Variants in ULK4 observed in about 807,000 individuals in gnomAD.
ULK4 encodes unc-51 like kinase 4.
Under a neutral mutation model 160.6 loss-of-function variants are expected in ULK4, and 133 were observed. The ratio of observed to expected loss-of-function variants is 0.83; its 90% CI spans 0.72 to 0.96. ULK4 has a LOEUF of 0.96. ULK4 is among the 40% of genes least tolerant of loss of function. The probability of loss-of-function intolerance (pLI) is 0.00; values close to 1 mark genes in which losing one functional copy is unlikely to be tolerated. For synonymous variants in ULK4, 534 were observed against 539.8 expected, an observed-to-expected ratio of 0.99 and a Z score of 0.15; for missense variants, 1,580 against 1,499.5, an observed-to-expected ratio of 1.05 and a Z score of -0.89.
At chr3:41,489,460 T>C (rs962457296) in intron 32 of ULK4, among the ~76,000 whole-genome samples, 46 of 152,152 alleles carry the variant, frequency 3.0e-4, no homozygotes, top group African/African-American at 1.0e-3. Flanking sequence ...TTTCATTCTC[T>C]TGCTTGGCCC....
chr3:41,859,336 G>C (rs1422340939), intron 17 of ULK4: 1 of 593,712 alleles, frequency 1.7e-6, no homozygotes, highest in South Asian at 1.4e-5. Context: ...GCACTGTAGA[G>C]CACATCTTCC....
chr3:41,516,133 T>C (rs1040308185), intron 32 of ULK4, among the ~76,000 whole-genome samples: 12 of 152,218 alleles, frequency 7.9e-5, no homozygotes, highest in African/African-American at 2.9e-4. Context: ...TTAAACATTT[T>C]CTAAGTGAAA....
chr3:41,950,139 C>G (rs918827016), intron 2 of ULK4, among the ~76,000 whole-genome samples: 1 of 151,476 alleles, frequency 6.6e-6, no homozygotes, highest in Non-Finnish European at 1.5e-5. Context: ...CAGGTTGGAG[C>G]ACAGTGGCAC....
chr3:41,575,716 C>T (rs775236142), intron 31 of ULK4, among the ~76,000 whole-genome samples: 20 of 152,220 alleles, frequency 1.3e-4, no homozygotes, highest in Non-Finnish European at 2.4e-4. Flanking sequence ...GTACCATTTG[C>T]CAATCAGTAT....
intron 35 of ULK4, among the ~76,000 whole-genome samples, chr3:41,356,595 T>G (rs1479885794): frequency 6.6e-6 from 1 of 152,154 alleles, no homozygotes; most frequent in South Asian, 2.1e-4. Flanking sequence ...TTCTAAGATA[T>G]ATTTTTTTTA....
At chr3:41,880,085 A>G (rs1697459085) in intron 17 of ULK4, among the ~76,000 whole-genome samples, 1 of 152,132 alleles carries the variant, frequency 6.6e-6, no homozygotes, top group African/African-American at 2.4e-5. Context: ...ACGCCACTGC[A>G]ATCCAGCCTG....
chr3:41,405,266 T>C (rs1279315407), intron 34 of ULK4, among the ~76,000 whole-genome samples: 1 of 152,188 alleles, frequency 6.6e-6, no homozygotes, highest in Admixed American at 6.6e-5. Flanking sequence ...CTTAGGATAA[T>C]GGCCTCCAAC....
intron 2 of ULK4, among the ~76,000 whole-genome samples, chr3:41,939,094 C>T (rs1266546029): frequency 6.6e-6 from 1 of 151,516 alleles, no homozygotes; most frequent in South Asian, 2.1e-4. Context: ...ACTTATACCA[C>T]GACTAAACCA....
chr3:41,657,461 T>A (rs2034980044), intron 30 of ULK4, among the ~76,000 whole-genome samples: 1 of 152,164 alleles, frequency 6.6e-6, no homozygotes, highest in Admixed American at 6.5e-5. Flanking sequence ...TTCATGGTTA[T>A]TTTTACATAT....
chr3:41,511,627 G>C (rs1559662737), intron 32 of ULK4, among the ~76,000 whole-genome samples: 1 of 151,936 alleles, frequency 6.6e-6, no homozygotes, highest in East Asian at 1.9e-4. Flanking sequence ...AGCAAACAGT[G>C]AGATTGAAAT....
At chr3:41,317,133 T>C in intron 35 of ULK4, among the ~76,000 whole-genome samples, 1 of 135,290 alleles carries the variant, frequency 7.4e-6, no homozygotes, top group Non-Finnish European at 1.5e-5. Flanking sequence ...CGGACTGCAG[T>C]GGCGCAATCT....
At chr3:41,700,974 T>C (rs1283042000) in intron 27 of ULK4, among the ~76,000 whole-genome samples, 2 of 151,648 alleles carry the variant, frequency 1.3e-5, no homozygotes, top group East Asian at 1.9e-4. Context: ...ACGTGCTATA[T>C]GTGGCAGCAG....
intron 32 of ULK4, among the ~76,000 whole-genome samples, chr3:41,468,929 T>C (rs1006150467): frequency 3.3e-5 from 5 of 152,168 alleles, no homozygotes; most frequent in African/African-American, 9.7e-5. Flanking sequence ...CATCAGGACA[T>C]AGATATGGTG....
chr3:41,771,557 A>G (rs972126974), intron 21 of ULK4, among the ~76,000 whole-genome samples: 10 of 152,152 alleles, frequency 6.6e-5, no homozygotes, highest in Non-Finnish European at 1.5e-4. Flanking sequence ...AACAACAACA[A>G]AAAATCATGA....
intron 17 of ULK4, among the ~76,000 whole-genome samples, chr3:41,839,107 T>C (rs568379665): frequency 1.3e-5 from 2 of 152,276 alleles, no homozygotes; most frequent in Admixed American, 1.3e-4. Flanking sequence ...CTTAGCACTT[T>C]GGGAGGCCAA....
chr3:41,334,441 A>G (rs2080511490), intron 35 of ULK4, among the ~76,000 whole-genome samples: 1 of 152,178 alleles, frequency 6.6e-6, no homozygotes, highest in Non-Finnish European at 1.5e-5. Flanking sequence ...TTATGAACCT[A>G]TATGATGACT....
intron 21 of ULK4, among the ~76,000 whole-genome samples, chr3:41,761,513 G>A (rs907127534): frequency 4.0e-5 from 6 of 151,410 alleles, no homozygotes; most frequent in Non-Finnish European, 5.9e-5. Context: ...TGAAAACTAT[G>A]TAGGATACAA....
intron 16 of ULK4, among the ~76,000 whole-genome samples, chr3:41,892,999 T>C (rs1338997490): frequency 1.3e-5 from 2 of 152,190 alleles, no homozygotes; most frequent in Non-Finnish European, 2.9e-5. Context: ...CAACACTCAT[T>C]GTCTCCGTGA....
chr3:41,385,385 G>A (rs2081783427), intron 35 of ULK4, among the ~76,000 whole-genome samples: 1 of 152,026 alleles, frequency 6.6e-6, no homozygotes. Context: ...TAGGATTACA[G>A]GAAGGGAGTA....
Sources: gnomAD v4.1 joint callset for allele counts (sites outside exome capture counted in the v4.1 genomes callset) on GRCh38, gnomAD v4.1.1 for gene constraint, MANE v1.5 for transcripts, NCBI Gene and HGNC (gene_info 2026-07-23, HGNC 2026-07-21) for gene names.